NEBL: variants seen among roughly 807,000 people sequenced by gnomAD.
NEBL encodes nebulette, also known as LIM and SH3 protein 2.
A neutral mutation model predicts 140.2 loss-of-function variants in NEBL; 122 were observed. That is an observed-to-expected ratio of 0.87 (90% CI 0.75 to 1.01). The LOEUF is 1.01. NEBL is among the 50% of genes least tolerant of loss of function. The pLI is 0.00. For missense variants in NEBL, 1,365 were observed against 1,231.3 expected (o/e 1.11, Z -1.62); for synonymous variants, 436 against 398.9 (o/e 1.09, Z -1.11).
At chr10:21,226,669 C>T (rs2132249865) in intron 3 of NEBL, among the ~76,000 whole-genome samples, 1 of 152,282 alleles carries the variant, frequency 6.6e-6, no homozygotes, top group African/African-American at 2.4e-5. Context: ...AGTTCCAATA[C>T]CAAATCCCAC....
At position 20,828,585 on chromosome 10, in the gene NEBL, A is replaced by G. The variant is rs754884291; in HGVS notation, c.1721T>C (p.Ile574Thr). 9.4e-6 allele frequency: 15 copies of G among 1,595,772 alleles called. No homozygotes were observed. In the African/African-American group the frequency reaches 1.6e-4, roughly 17 times the overall value. ...AEKMLSNYST[I>T]ADTPEIQRIK... is the part of the protein sequence containing the mutation. Reference sequence around the variant, plus strand: ...TCTCTGAATTTCAGGAGTATCTGCTATGGTAGAATAGTTAGAAAGCATCTT... The same window carrying G: ...TCTCTGAATTTCAGGAGTATCTGCTGTGGTAGAATAGTTAGAAAGCATCTT... The change falls in exon 17 of 28, where the codon ATA (isoleucine) becomes ACA (threonine). Residue 574 changes from isoleucine (I) to threonine (T), a missense_variant. Transcript: ENST00000377122.
chr10:21,165,596 A>T (rs1285002487), intron 2 of NEBL, among the ~76,000 whole-genome samples: 1 of 152,230 alleles, frequency 6.6e-6, no homozygotes, highest in African/African-American at 2.4e-5. Context: ...TGCCAGGCTC[A>T]TCTACGGCCA....
chr10:21,253,952 C>T (rs1205854368), intron 1 of NEBL, among the ~76,000 whole-genome samples: 1 of 152,118 alleles, frequency 6.6e-6, no homozygotes, highest in Non-Finnish European at 1.5e-5. Flanking sequence ...AGAAACTTTG[C>T]ACAAATACAT....
chr10:21,043,254 T>C (rs1564490762), intron 2 of NEBL, among the ~76,000 whole-genome samples: 1 of 152,198 alleles, frequency 6.6e-6, no homozygotes, highest in African/African-American at 2.4e-5. Flanking sequence ...TTTGATACTT[T>C]TCTTTTTTTC....
At chr10:20,937,804 GCTC>G (rs946904504) in intron 4 of NEBL, among the ~76,000 whole-genome samples, 2 of 152,162 alleles carry the variant, frequency 1.3e-5, no homozygotes, top group African/African-American at 4.8e-5. Flanking sequence ...CCTGTGCCTG[GCTC>G]AGAGGGTCCT....
intron 20 of NEBL, 95 bp from the exon 21 acceptor site, chr10:20,817,787 C>A: frequency 9.6e-7 from 1 of 1,036,762 alleles, no homozygotes; most frequent in Non-Finnish European, 1.5e-6. Flanking sequence ...CATCTTTTTA[C>A]ACATTTTTTT....
intron 1 of NEBL, among the ~76,000 whole-genome samples, chr10:21,280,174 G>C (rs752020475): frequency 6.6e-6 from 1 of 152,024 alleles, no homozygotes; most frequent in Non-Finnish European, 1.5e-5. Context: ...ATAAATCCCC[G>C]TGATGCCCCT....
chr10:20,825,663 C>CA (rs57427509), intron 18 of NEBL, among the ~76,000 whole-genome samples: 13,862 of 130,002 alleles, frequency 0.11, 717 homozygotes, highest in Middle Eastern at 0.14. Flanking sequence ...GACTCTGTCT[C>CA]AAAAAAAAAA....
intron 1 of NEBL, among the ~76,000 whole-genome samples, chr10:21,256,099 G>C (rs954276633): frequency 8.6e-5 from 13 of 151,950 alleles, no homozygotes; most frequent in African/African-American, 2.9e-4. Context: ...ATTGAGTCTT[G>C]CTCTCTCACT....
At chr10:20,802,141 A>G (rs1430287273) in intron 26 of NEBL, among the ~76,000 whole-genome samples, 1 of 152,236 alleles carries the variant, frequency 6.6e-6, no homozygotes, top group Non-Finnish European at 1.5e-5. Context: ...GATTGCAAGC[A>G]CATACGAATA....
At chr10:20,998,570 G>A (rs1837760193) in intron 3 of NEBL, among the ~76,000 whole-genome samples, 1 of 152,040 alleles carries the variant, frequency 6.6e-6, no homozygotes, top group Non-Finnish European at 1.5e-5. Flanking sequence ...AAGAAGGCAG[G>A]GGAAATGGTA....
At chr10:21,063,209 T>C (rs1017731871) in intron 2 of NEBL, among the ~76,000 whole-genome samples, 7 of 152,108 alleles carry the variant, frequency 4.6e-5, no homozygotes, top group East Asian at 3.9e-4. Flanking sequence ...AGTTCCGATC[T>C]TGCTCCCCCA....
At chr10:20,968,322 T>A (rs574483562) in intron 3 of NEBL, among the ~76,000 whole-genome samples, 3 of 150,280 alleles carry the variant, frequency 2.0e-5, no homozygotes, top group Non-Finnish European at 3.0e-5. Flanking sequence ...CTAGGCAACA[T>A]AGCAAGGCCC....
intron 11 of NEBL, among the ~76,000 whole-genome samples, chr10:20,845,830 A>T (rs888184365): frequency 2.0e-5 from 3 of 152,184 alleles, no homozygotes; most frequent in Admixed American, 6.6e-5. Context: ...TTGCAAATTT[A>T]GGAAATATCA....
intron 2 of NEBL, among the ~76,000 whole-genome samples, chr10:21,040,375 A>G (rs1834217885): frequency 6.6e-6 from 1 of 152,114 alleles, no homozygotes; most frequent in Admixed American, 6.5e-5. Flanking sequence ...TTTGGCTGAC[A>G]GTTCTGCAAA....
chr10:21,284,878 T>C (rs1006275351), intron 1 of NEBL, among the ~76,000 whole-genome samples: 3 of 152,198 alleles, frequency 2.0e-5, no homozygotes, highest in Non-Finnish European at 4.4e-5. Context: ...ATCCTGTTTT[T>C]GTGAACTGAT....
intron 5 of NEBL, among the ~76,000 whole-genome samples, chr10:20,879,867 C>G (rs942426422): frequency 6.6e-6 from 1 of 152,194 alleles, no homozygotes; most frequent in Non-Finnish European, 1.5e-5. Flanking sequence ...AGAAATTACT[C>G]TTCTAGGCCA....
At chr10:21,211,026 T>C (rs1841907137) in intron 3 of NEBL, among the ~76,000 whole-genome samples, 1 of 152,186 alleles carries the variant, frequency 6.6e-6, no homozygotes, top group Admixed American at 6.5e-5. Flanking sequence ...CCATGATCCA[T>C]ATCCTCAGTC....
At chr10:21,176,698 G>T (rs1479354963), upstream of NEBL, among the ~76,000 whole-genome samples, 2 of 152,144 alleles carry the variant, frequency 1.3e-5, no homozygotes, top group East Asian at 1.9e-4. Context: ...TTAAGAAATT[G>T]TTCCTTGTGT....
Sources: gnomAD v4.1 joint callset for allele counts (sites outside exome capture counted in the v4.1 genomes callset) on GRCh38, gnomAD v4.1.1 for gene constraint, MANE v1.5 for transcripts, NCBI Gene and HGNC (gene_info 2026-07-23, HGNC 2026-07-21) for gene names.